ALDH1A2: variants seen among roughly 807,000 people sequenced by gnomAD.
ALDH1A2 encodes the protein retinal dehydrogenase 2.
A neutral mutation model predicts 60.3 loss-of-function variants in ALDH1A2; 27 were observed. The observed-to-expected ratio is 0.45, with a 90% confidence interval of 0.33 to 0.62. The LOEUF is 0.62. ALDH1A2 is among the 20% of genes least tolerant of loss of function. The pLI is 0.02. For synonymous variants in ALDH1A2, 289 were observed against 232.4 expected (o/e 1.24, Z -2.21); for missense variants, 581 against 643.8 (o/e 0.90, Z 1.06).
rs151009495 is a variant in ALDH1A2 at position 58,026,429 on chromosome 15, G to A, written c.118-12148C>T. Among the ~76,000 whole-genome samples, 626 of 152,276 alleles carry A rather than the reference G, an allele frequency of 4.1e-3. 2 individuals carry two copies. The highest frequency in any genetic ancestry group is 6.8e-3 in the Middle Eastern group (2 of 294). On this transcript the variant is annotated intron_variant, in intron 1 of 12. Transcript: ENST00000249750. ...AGATGGCCAAATAGTAAGAGCTCTG[G>A]TCTGCAGCTCCCAGCAAGGTGAACA...
intron 5 of ALDH1A2, among the ~76,000 whole-genome samples, chr15:57,993,818 A>G (rs1177357767): frequency 6.6e-6 from 1 of 152,214 alleles, no homozygotes; most frequent in Non-Finnish European, 1.5e-5. Flanking sequence ...GAAAACAGAA[A>G]TCCTCATCCC....
intron 5 of ALDH1A2, among the ~76,000 whole-genome samples, chr15:57,994,506 C>G (rs1217169119): frequency 6.6e-6 from 1 of 152,126 alleles, no homozygotes; most frequent in Non-Finnish European, 1.5e-5. Context: ...GAGAGACAGA[C>G]AGGAACAAAG....
intron 10 of ALDH1A2, 43 bp downstream of exon 10, chr15:57,961,969 C>G (rs760844561): frequency 1.2e-6 from 2 of 1,609,298 alleles, no homozygotes; most frequent in Non-Finnish European, 1.7e-6. Flanking sequence ...TAGAAATGAT[C>G]CCAAGAAAGA....
chr15:58,063,291 C>CAA (rs1440186733), intron 1 of ALDH1A2, among the ~76,000 whole-genome samples: 2 of 152,134 alleles, frequency 1.3e-5, no homozygotes, highest in African/African-American at 4.8e-5. Flanking sequence ...GTGTTTCTTT[C>CAA]AAATGTGATA....
At chr15:57,989,515 T>C (rs1282397126) in intron 7 of ALDH1A2, among the ~76,000 whole-genome samples, 1 of 152,200 alleles carries the variant, frequency 6.6e-6, no homozygotes, top group African/African-American at 2.4e-5. Flanking sequence ...ACACATCTTA[T>C]AAAACCTAGT....
At chr15:57,958,436 T>C (rs1893612643) in intron 12 of ALDH1A2, among the ~76,000 whole-genome samples, 1 of 151,760 alleles carries the variant, frequency 6.6e-6, no homozygotes, top group Admixed American at 6.6e-5. Flanking sequence ...CAGGCAGAAA[T>C]AGGTGGGCAG....
chr15:58,004,867 A>G lies in ALDH1A2; in HGVS notation c.493+5782T>C, dbSNP rs1360014801. ...TCTACAAGCAGAAGTACAAAATACTAATGAAAAAAATCACCGATGACACAA... is the reference window on the plus strand; with the variant it reads ...TCTACAAGCAGAAGTACAAAATACTGATGAAAAAAATCACCGATGACACAA... On this transcript the variant is annotated intron_variant, in intron 4 of 12. Transcript: ENST00000249750. Among the ~76,000 whole-genome samples, 7 of 151,016 alleles carry G rather than the reference A, an allele frequency of 4.6e-5. No individual in the cohort carries two copies. The Admixed American group carries it at 4.7e-4, about 10-fold the overall frequency.
intron 1 of ALDH1A2, among the ~76,000 whole-genome samples, chr15:58,061,433 T>TA (rs553593802): frequency 0.011 from 1,664 of 146,092 alleles, 18 homozygotes; most frequent in South Asian, 0.037. Flanking sequence ...TGCCCCAGAT[T>TA]AAAAAAAAAA....
chr15:57,996,619 A>G (rs1277193617), intron 4 of ALDH1A2, among the ~76,000 whole-genome samples: 1 of 151,572 alleles, frequency 6.6e-6, no homozygotes, highest in Non-Finnish European at 1.5e-5. Context: ...CATAGAAGTC[A>G]CTTTCAGTTT....
At chr15:58,020,267 G>A (rs1490249647) in intron 1 of ALDH1A2, among the ~76,000 whole-genome samples, 5 of 152,152 alleles carry the variant, frequency 3.3e-5, no homozygotes, top group South Asian at 2.1e-4. Context: ...TGTGAATAGT[G>A]CTGCAATGAA....
chr15:58,035,569 T>G (rs1370993793), intron 1 of ALDH1A2, among the ~76,000 whole-genome samples: 1 of 151,736 alleles, frequency 6.6e-6, no homozygotes, highest in Non-Finnish European at 1.5e-5. Context: ...TACATTTCTA[T>G]CTAAATACTG....
chr15:58,002,856 T>C (rs1473711432), intron 4 of ALDH1A2, among the ~76,000 whole-genome samples: 2 of 151,906 alleles, frequency 1.3e-5, no homozygotes, highest in African/African-American at 4.8e-5. Flanking sequence ...CATTGAACTA[T>C]TCCATTATGT....
intron 3 of ALDH1A2, among the ~76,000 whole-genome samples, chr15:58,011,671 A>C (rs74018808): frequency 1.4e-3 from 214 of 152,322 alleles, no homozygotes; most frequent in African/African-American, 4.9e-3. Context: ...CCAATCAATG[A>C]GATGAAAATA....
At chr15:58,053,798 A>C (rs530004575) in intron 1 of ALDH1A2, among the ~76,000 whole-genome samples, 1 of 152,270 alleles carries the variant, frequency 6.6e-6, no homozygotes, top group African/African-American at 2.4e-5. Flanking sequence ...AATAGCTACA[A>C]CTACCACCCA....
At chr15:57,987,975 A>G (rs1310999799) in intron 7 of ALDH1A2, among the ~76,000 whole-genome samples, 2 of 152,198 alleles carry the variant, frequency 1.3e-5, no homozygotes, top group African/African-American at 4.8e-5. Context: ...CCTACGCTAC[A>G]AGAAACGTTA....
At chr15:57,990,642 A>C (rs1894863049) in intron 7 of ALDH1A2, 1 of 152,226 alleles carries the variant, frequency 6.6e-6, no homozygotes, top group Non-Finnish European at 1.5e-5. Context: ...TGGGAGGCCA[A>C]GGCAGGTGAA....
chr15:58,002,331 T>C (rs989041612), intron 4 of ALDH1A2, among the ~76,000 whole-genome samples: 1 of 151,936 alleles, frequency 6.6e-6, no homozygotes, highest in Admixed American at 6.6e-5. Context: ...TGAGCCACTG[T>C]TCTATGTTTT....
chr15:58,060,459 A>AT (rs1555406821), intron 1 of ALDH1A2, among the ~76,000 whole-genome samples: 33 of 136,172 alleles, frequency 2.4e-4, no homozygotes, highest in East Asian at 8.3e-4. Context: ...GATGCCACAC[A>AT]TATCTTTTTT....
chr15:57,955,938 T>C (rs1168759802), intron 12 of ALDH1A2, among the ~76,000 whole-genome samples: 1 of 152,190 alleles, frequency 6.6e-6, no homozygotes, highest in African/African-American at 2.4e-5. Context: ...CTCCTCTTTT[T>C]CTTCTCTTCT....
Sources: allele counts gnomAD v4.1 joint callset (sites outside exome capture counted in the v4.1 genomes callset), GRCh38; gene constraint gnomAD v4.1.1; transcripts MANE v1.5; gene names NCBI Gene and HGNC (gene_info 2026-07-23, HGNC 2026-07-21).